ARHGAP25: variants seen among roughly 807,000 people sequenced by gnomAD.
The protein encoded by ARHGAP25 is rho GTPase-activating protein 25.
In ARHGAP25, 34 loss-of-function variants were observed where a neutral mutation model predicts 71.0. The ratio of observed to expected loss-of-function variants is 0.48; its 90% CI spans 0.36 to 0.64. The LOEUF (loss-of-function observed/expected upper bound fraction) is 0.64. Ranked by LOEUF, ARHGAP25 falls within the 30% of genes least tolerant of loss-of-function variation. The pLI, the probability that ARHGAP25 is intolerant of heterozygous loss-of-function variation, is 0.00. For missense variants in ARHGAP25, 706 were observed against 805.1 expected (o/e 0.88, Z 1.49); for synonymous variants, 282 against 296.5 (o/e 0.95, Z 0.50).
chr2:68,776,746 A>G (rs1452571409), intron 2 of ARHGAP25, among the ~76,000 whole-genome samples: 1 of 152,128 alleles, frequency 6.6e-6, no homozygotes, highest in African/African-American at 2.4e-5. Flanking sequence ...ATGTGTGTGG[A>G]GATGGAAGTA....
At chr2:68,792,000 C>T (rs931407273) in intron 4 of ARHGAP25, among the ~76,000 whole-genome samples, 1 of 152,212 alleles carries the variant, frequency 6.6e-6, no homozygotes, top group Non-Finnish European at 1.5e-5. Flanking sequence ...CTCTAAACTA[C>T]TCCTTCCTTT....
chr2:68,776,331 A>G (rs892806163), intron 2 of ARHGAP25, among the ~76,000 whole-genome samples: 1 of 152,152 alleles, frequency 6.6e-6, no homozygotes, highest in African/African-American at 2.4e-5. Flanking sequence ...ACAGGGAGGC[A>G]TTGCAGGGCT....
chr2:68,799,412 A>G (rs192493815), intron 4 of ARHGAP25, among the ~76,000 whole-genome samples: 1 of 152,306 alleles, frequency 6.6e-6, no homozygotes, highest in East Asian at 1.9e-4. Flanking sequence ...TCTACCCAAC[A>G]AACTGCCTTC....
At chr2:68,722,439 A>G (rs67523919) in intron 2 of ARHGAP25, among the ~76,000 whole-genome samples, 38,807 of 151,890 alleles carry the variant, frequency 0.26, 5,395 homozygotes, top group East Asian at 0.47. Flanking sequence ...TCAGCCAGGC[A>G]TGGTGGCACA....
intron 4 of ARHGAP25, 37 bp from the exon 5 acceptor site, chr2:68,807,236 C>T (rs1480041774): frequency 1.2e-6 from 2 of 1,608,680 alleles, no homozygotes; most frequent in Non-Finnish European, 1.7e-6. Flanking sequence ...CAAGGAAGCA[C>T]AGAATGACGG....
chr2:68,775,367 C>G lies in ARHGAP25; in HGVS notation c.208C>G (p.Leu70Val). 6.2e-7 allele frequency: 1 copy of G among 1,614,220 alleles called. No individual in the cohort carries two copies. Residue 70 changes from leucine (L) to valine (V), a missense_variant, in exon 2 of 11, where the codon CTG becomes GTG. Coordinates refer to ENST00000409202, the MANE Select transcript of ARHGAP25 (RefSeq NM_001007231.3). ...VKNWQQRYFV[L>V]RAQQLYYYKD... is the part of the protein sequence containing the mutation. ...GAACTGGCAGCAGAGGTACTTTGTG[C>G]TGAGGGCGCAGCAGCTCTACTACTA... is the stretch of plus-strand genomic sequence containing the variant.
chr2:68,734,918 C>A lies in ARHGAP25; in HGVS notation c.-282C>A. 1 of 467,636 alleles carries A rather than the reference C, an allele frequency of 2.1e-6. No homozygotes were observed. Among genetic ancestry groups the A allele is most frequent in the East Asian group, 3.5e-5 (1 of 28,306 alleles). 29.0% of individuals were successfully genotyped at this position (467,636 alleles called of 1,614,324 possible). ...GTCAACTGGGATATTTCTGGTAAAA[C>A]TGAAAGCAAGAAAAGCAGGGTGCTA... is the stretch of plus-strand genomic sequence containing the variant. On this transcript the variant is annotated 5_prime_UTR_variant, in exon 1 of 11. The change creates a new upstream start codon in the 5' untranslated region. Transcript: ENST00000409202.
intron 1 of ARHGAP25, among the ~76,000 whole-genome samples, chr2:68,763,580 A>G (rs957290919): frequency 3.3e-5 from 5 of 152,236 alleles, no homozygotes; most frequent in African/African-American, 1.2e-4. Flanking sequence ...AAGCAAGTTC[A>G]TAATCTTTGA....
In ARHGAP25 at chr2:68,782,281, C is replaced by G. The variant is rs368863689; in HGVS notation, c.310C>G (p.Pro104Ala). ...GCTIKEIATN[P>A]EEAGKFVFEI... ...TACAATCAAGGAGATCGCCACAAACCCAGAAGAAGCTGGGAAGTTTGTCTT... is the reference window on the plus strand; with the variant it reads ...TACAATCAAGGAGATCGCCACAAACGCAGAAGAAGCTGGGAAGTTTGTCTT... The change falls in exon 3 of 11, where the codon CCA (proline) becomes GCA (alanine). Residue 104 changes from proline (P) to alanine (A), a missense_variant. Coordinates refer to ENST00000409202, the MANE Select transcript of ARHGAP25 (RefSeq NM_001007231.3). 1 of 1,613,900 alleles carries G rather than the reference C, an allele frequency of 6.2e-7. No homozygotes were observed. The highest frequency in any genetic ancestry group is 1.3e-5 in the African/African-American group (1 of 74,886).
intron 3 of ARHGAP25, among the ~76,000 whole-genome samples, chr2:68,785,912 A>C (rs1270841675): frequency 6.6e-6 from 1 of 152,180 alleles, no homozygotes; most frequent in Non-Finnish European, 1.5e-5. Flanking sequence ...TGAGCTTTGT[A>C]TTAATGTCAG....
chr2:68,824,266 G>A (rs1322198734), intron 10 of ARHGAP25, among the ~76,000 whole-genome samples: 1 of 33,870 alleles, frequency 3.0e-5, no homozygotes, highest in Non-Finnish European at 6.0e-5. Context: ...CCACAGATGT[G>A]TCAGAGTCCT....
intron 1 of ARHGAP25, among the ~76,000 whole-genome samples, chr2:68,740,701 G>C (rs1558607331): frequency 6.6e-6 from 1 of 152,182 alleles, no homozygotes; most frequent in Non-Finnish European, 1.5e-5. Flanking sequence ...CTTCCTTTTA[G>C]ATAAGAGCCA....
rs1675131806 is a variant in ARHGAP25 at position 68,735,053 on chromosome 2, G to A, written c.-147G>A. 3 of 728,992 alleles carry A rather than the reference G, an allele frequency of 4.1e-6. No individual in the cohort carries two copies. Among genetic ancestry groups the A allele is most frequent in the South Asian group, 3.2e-5 (2 of 61,586 alleles). 45.2% of individuals were successfully genotyped at this position (728,992 alleles called of 1,614,324 possible). A position where few individuals can be genotyped will look rare whatever the true frequency, so the allele number is the denominator to read the frequency against. On this transcript the variant is annotated 5_prime_UTR_variant, in exon 1 of 11. Coordinates refer to ENST00000409202, the MANE Select transcript of ARHGAP25 (RefSeq NM_001007231.3). The stretch of plus-strand genomic sequence containing the variant: ...AAGGAGGAGACACGTTGGCAAATCA[G>A]CCTCAAGCCTAAGATTGCTTGTGAA...
intron 1 of ARHGAP25, among the ~76,000 whole-genome samples, chr2:68,758,424 C>T (rs1676608199): frequency 6.6e-6 from 1 of 151,750 alleles, no homozygotes; most frequent in African/African-American, 2.4e-5. Flanking sequence ...AAGGATATTT[C>T]ATGTAAATAG....
At chr2:68,775,106 G>T (rs1045800803) in intron 1 of ARHGAP25, 115 bp from the exon 2 acceptor site, 106 of 1,588,856 alleles carry the variant, frequency 6.7e-5, no homozygotes, top group Middle Eastern at 5.1e-4. Flanking sequence ...AACTGGACCT[G>T]GTTGTCGTCC....
At chr2:68,721,154 C>T (rs1210383211) in intron 2 of ARHGAP25, among the ~76,000 whole-genome samples, 1 of 152,122 alleles carries the variant, frequency 6.6e-6, no homozygotes, top group Non-Finnish European at 1.5e-5. Flanking sequence ...ATTGCACTGG[C>T]TACCTCAAAT....
At chr2:68,780,534 G>A (rs972442427) in intron 2 of ARHGAP25, among the ~76,000 whole-genome samples, 44 of 152,110 alleles carry the variant, frequency 2.9e-4, no homozygotes, top group African/African-American at 8.5e-4. Context: ...TAAAATTAGA[G>A]GAATGTAGAG....
In ARHGAP25 at chr2:68,813,392, G is replaced by A. The variant is rs1352049332; in HGVS notation, c.780G>A (p.Gly260=). 1 of 1,613,326 alleles carries A rather than the reference G, an allele frequency of 6.2e-7. No individual in the cohort carries two copies. Among genetic ancestry groups the A allele is most frequent in the African/African-American group, 1.3e-5 (1 of 74,906 alleles). Residue 260 remains glycine, a synonymous_variant, in exon 6 of 11, where the codon GGG becomes GGA. Transcript: ENST00000409202. ...WSQYEGFLLC[G]QLTNADEAKA... ...AGTACGAAGGGTTCCTGCTCTGTGG[G>A]CAGCTCACGAATGCGGATGAGGCAA...
intron 4 of ARHGAP25, among the ~76,000 whole-genome samples, chr2:68,789,108 CT>C (rs901762741): frequency 1.6e-4 from 25 of 152,124 alleles, no homozygotes; most frequent in African/African-American, 5.8e-4. Flanking sequence ...TCTCGGCTCA[CT>C]GCAAGCTCCA....
Sources: gnomAD v4.1 joint callset for allele counts (sites outside exome capture counted in the v4.1 genomes callset) on GRCh38, gnomAD v4.1.1 for gene constraint, MANE v1.5 for transcripts, NCBI Gene and HGNC (gene_info 2026-07-23, HGNC 2026-07-21) for gene names.